XYLB: variants seen among roughly 807,000 people sequenced by gnomAD.
XYLB encodes the protein xylulokinase.
XYLB carries 62 observed loss-of-function variants against 78.7 expected under a neutral mutation model. That is an observed-to-expected ratio of 0.79 (90% CI 0.64 to 0.97). The LOEUF (loss-of-function observed/expected upper bound fraction) is 0.97. XYLB is among the 50% of genes least tolerant of loss of function. XYLB has a pLI of 0.00. For missense variants in XYLB, 687 were observed against 676.8 expected, an observed-to-expected ratio of 1.02 and a Z score of -0.17; for synonymous variants, 245 against 247.4, an observed-to-expected ratio of 0.99 and a Z score of 0.09.
chr3:38,410,522 A>T (rs188753327), intron 18 of XYLB, among the ~76,000 whole-genome samples: 1 of 152,244 alleles, frequency 6.6e-6, no homozygotes, highest in Non-Finnish European at 1.5e-5. Flanking sequence ...ACAGAAGCCA[A>T]AATTGACAAA....
chr3:38,409,729 C>T (rs887434322), intron 18 of XYLB, among the ~76,000 whole-genome samples: 4 of 152,272 alleles, frequency 2.6e-5, no homozygotes, highest in African/African-American at 9.6e-5. Context: ...CACAAGCATT[C>T]TTATACACCA....
the XYLB span, among the ~76,000 whole-genome samples, chr3:38,442,576 T>C: frequency 6.6e-6 from 1 of 152,118 alleles, no homozygotes; most frequent in Non-Finnish European, 1.5e-5. Context: ...TCCTCTGGTA[T>C]TTGAGAGAGC....
At chr3:38,405,040 G>A (rs1249446057) in intron 18 of XYLB, among the ~76,000 whole-genome samples, 2 of 152,088 alleles carry the variant, frequency 1.3e-5, no homozygotes, top group African/African-American at 4.8e-5. Context: ...ACTGCTTAGG[G>A]GGATAAAAGA....
chr3:38,368,798 A>G (rs544195418), intron 8 of XYLB, among the ~76,000 whole-genome samples: 132 of 152,238 alleles, frequency 8.7e-4, no homozygotes, highest in Middle Eastern at 3.4e-3. Flanking sequence ...TTGACCCAGT[A>G]TAATGTTGGG....
rs533540108 is a variant in XYLB at position 38,369,949 on chromosome 3, A to G, written c.647-107A>G. 1.1e-4 allele frequency: 97 copies of G among 919,388 alleles called. No individual in the cohort carries two copies. In the Middle Eastern group the frequency reaches 1.5e-3, roughly 14 times the overall value. 57.0% of individuals were successfully genotyped at this position (919,388 alleles called of 1,614,324 possible). Reference sequence around the variant, plus strand: ...ATACCTTCCATGAAGAAAGAGCTCCAGGTACAAGTTGTGGCAAGAGAATTA... The same window carrying G: ...ATACCTTCCATGAAGAAAGAGCTCCGGGTACAAGTTGTGGCAAGAGAATTA... On this transcript the variant is annotated intron_variant, in intron 8 of 18. Transcript: ENST00000207870.
In XYLB at chr3:38,397,064, C is replaced by T. The variant is rs749444428; in HGVS notation, c.1351-8C>T. 6.2e-7 allele frequency: 1 copy of T among 1,614,100 alleles called. No individual in the cohort carries two copies. The highest frequency in any genetic ancestry group is 8.5e-7 in the Non-Finnish European group (1 of 1,179,982). ...CTCACCACAGTAGAACCTCTGTGTC[C>T]TTTTCAGGTGCTTGCAGATGTGTTT... On this transcript the variant is annotated splice_region_variant and splice_polypyrimidine_tract_variant and intron_variant, in intron 16 of 18. Transcript: ENST00000207870.
chr3:38,433,017 C>G, the XYLB span, among the ~76,000 whole-genome samples: 1 of 152,258 alleles, frequency 6.6e-6, no homozygotes, highest in Admixed American at 6.5e-5. Flanking sequence ...GCTGCCCTAG[C>G]AGAGTTTCAT....
chr3:38,420,282 T>A (rs1708935587), exon 18 of XYLB, among the ~76,000 whole-genome samples: 1 of 152,258 alleles, frequency 6.6e-6, no homozygotes, highest in Non-Finnish European at 1.5e-5. Context: ...CTGTAAGCAT[T>A]TTATTTCATT....
chr3:38,348,743 G>A (rs755152057), intron 2 of XYLB, 111 bp downstream of exon 2: 21 of 941,822 alleles, frequency 2.2e-5, no homozygotes, highest in Middle Eastern at 2.1e-4. Context: ...ATACAGGAGT[G>A]GTGGTCTCGG....
chr3:38,411,124 A>C (rs1302896841), intron 18 of XYLB, among the ~76,000 whole-genome samples: 7 of 152,248 alleles, frequency 4.6e-5, no homozygotes, highest in African/African-American at 7.2e-5. Flanking sequence ...AAGACTTGGA[A>C]CCAACCCAAA....
At chr3:38,444,931 C>T in the XYLB span, among the ~76,000 whole-genome samples, 5 of 152,140 alleles carry the variant, frequency 3.3e-5, no homozygotes, top group Admixed American at 6.5e-5. Flanking sequence ...TGAGGAAGGT[C>T]GGATTTAGTG....
intron 12 of XYLB, 63 bp downstream of exon 12, chr3:38,375,322 A>G (rs1706796446): frequency 7.0e-7 from 1 of 1,419,100 alleles, no homozygotes; most frequent in South Asian, 1.2e-5. Flanking sequence ...GTCTGGCACC[A>G]TCTTGAGGAC....
At chr3:38,370,983 G>A (rs1412314858) in intron 9 of XYLB, among the ~76,000 whole-genome samples, 1 of 152,212 alleles carries the variant, frequency 6.6e-6, no homozygotes, top group African/African-American at 2.4e-5. Context: ...GTGGGACAGA[G>A]TGCTGGTGTG....
intron 2 of XYLB, among the ~76,000 whole-genome samples, chr3:38,358,568 T>C (rs906321889): frequency 1.3e-5 from 2 of 151,984 alleles, no homozygotes; most frequent in Non-Finnish European, 2.9e-5. Flanking sequence ...GGTCTTGAAC[T>C]CCCGACTTCA....
downstream of XYLB, among the ~76,000 whole-genome samples, chr3:38,416,548 A>T (rs1708800989): frequency 6.6e-6 from 1 of 152,232 alleles, no homozygotes; most frequent in Non-Finnish European, 1.5e-5. Flanking sequence ...AGATTGGCTT[A>T]CAAACCAATG....
exon 18 of XYLB, among the ~76,000 whole-genome samples, chr3:38,420,121 A>G (rs1309876750): frequency 6.6e-6 from 1 of 152,126 alleles, no homozygotes; most frequent in Non-Finnish European, 1.5e-5. Flanking sequence ...GCCCAGCCAT[A>G]AGAATCAATT....
chr3:38,355,868 T>C, intron 2 of XYLB: 1 of 688,194 alleles, frequency 1.5e-6, no homozygotes, highest in South Asian at 1.5e-5. Context: ...GTGCTTTACA[T>C]GAGGAGAAAG....
chr3:38,365,317 AAC>A, intron 5 of XYLB, 32 bp downstream of exon 5: 1 of 1,608,312 alleles, frequency 6.2e-7, no homozygotes, highest in Non-Finnish European at 8.5e-7. Context: ...GAGTGTGAGA[AAC>A]TTCTGCAGAG....
At chr3:38,440,070 T>C in the XYLB span, among the ~76,000 whole-genome samples, 2 of 152,206 alleles carry the variant, frequency 1.3e-5, no homozygotes, top group African/African-American at 4.8e-5. Flanking sequence ...AAACTGGCGA[T>C]TCTGGTTCCT....
Sources: gnomAD v4.1 joint callset for allele counts (sites outside exome capture counted in the v4.1 genomes callset) on GRCh38, gnomAD v4.1.1 for gene constraint, MANE v1.5 for transcripts, NCBI Gene and HGNC (gene_info 2026-07-23, HGNC 2026-07-21) for gene names.